MAX: variants seen among roughly 807,000 people sequenced by gnomAD.
MAX encodes MYC associated transcriptional regulator X.
A neutral mutation model predicts 22.3 loss-of-function variants in MAX; 3 were observed. The ratio of observed to expected loss-of-function variants is 0.13; its 90% confidence interval spans 0.06 to 0.35. The LOEUF is 0.35. Ranked by LOEUF, MAX falls within the 10% of genes least tolerant of loss-of-function variation. The probability of loss-of-function intolerance (pLI) is 1.00; values close to 1 mark genes in which losing one functional copy is unlikely to be tolerated. For missense variants in MAX, 119 were observed against 209.4 expected, an observed-to-expected ratio of 0.57 and a Z score of 2.66; for synonymous variants, 72 against 77.7, an observed-to-expected ratio of 0.93 and a Z score of 0.39.
intron 3 of MAX, among the ~76,000 whole-genome samples, chr14:65,056,976 C>T (rs933710163): frequency 2.0e-5 from 3 of 152,216 alleles, no homozygotes; most frequent in African/African-American, 7.2e-5. Flanking sequence ...CCCATGCAAA[C>T]AGAGGAGAGC....
Position 65,069,179 on chromosome 14 carries a change from G to A in MAX, c.171+24529C>T, listed in dbSNP as rs1376736818. On this transcript the variant is annotated intron_variant, in intron 3 of 3. Coordinates refer to the MAX transcript ENST00000341653. This position sits in a 1 kb window ranked among gnomAD's most constrained non-coding sequence, Gnocchi z 4.6. ...GGATACCAAGGGACCAGTGAAAGTG[G>A]TGGAATAGAATCGTGACCCAACCTG... Among the ~76,000 whole-genome samples, 1 of 152,236 alleles carries A rather than the reference G, an allele frequency of 6.6e-6. No individual in the cohort carries two copies. The highest frequency in any genetic ancestry group is 1.5e-5 in the Non-Finnish European group (1 of 68,040).
downstream of MAX, chr14:65,006,101 CT>C (rs1253791044): frequency 6.3e-7 from 1 of 1,579,120 alleles, no homozygotes; most frequent in African/African-American, 1.4e-5. Flanking sequence ...TCTCTAGGTA[CT>C]TCTGCTTACT....
chr14:65,034,864 T>C (rs1412127536), intron 3 of MAX, among the ~76,000 whole-genome samples: 1 of 152,198 alleles, frequency 6.6e-6, no homozygotes, highest in Non-Finnish European at 1.5e-5. Flanking sequence ...CATTGTGATA[T>C]GATGGTGGAG....
At chr14:65,090,596 C>T (rs1324954365) in intron 3 of MAX, 1 of 151,474 alleles carries the variant, frequency 6.6e-6, no homozygotes, top group Non-Finnish European at 1.5e-5. Context: ...CCTGGACCTC[C>T]CAGACTCAAG....
downstream of MAX, among the ~76,000 whole-genome samples, chr14:65,070,967 C>T (rs2062982073): frequency 6.6e-6 from 1 of 152,218 alleles, no homozygotes; most frequent in South Asian, 2.1e-4. The surrounding 1 kb of genome is among the most constrained non-coding windows in gnomAD (Gnocchi z 4.4). Flanking sequence ...TATTTCATTC[C>T]TCAACTCCTT....
downstream of MAX, among the ~76,000 whole-genome samples, chr14:65,074,377 A>G (rs1262242593): frequency 2.0e-5 from 3 of 152,138 alleles, no homozygotes; most frequent in Non-Finnish European, 4.4e-5. Flanking sequence ...ATCATGTTTC[A>G]AATTGACAAG....
At chr14:65,051,896 G>A (rs913383830) in intron 3 of MAX, among the ~76,000 whole-genome samples, 5 of 150,906 alleles carry the variant, frequency 3.3e-5, no homozygotes, top group East Asian at 2.0e-4. Flanking sequence ...CTGGGTTCAC[G>A]CCATTCTCCT....
intron 3 of MAX, among the ~76,000 whole-genome samples, chr14:65,024,341 AC>A (rs941430237): frequency 4.6e-5 from 7 of 151,878 alleles, no homozygotes; most frequent in African/African-American, 1.5e-4. Flanking sequence ...TTTTTAAAAC[AC>A]CCCCCAAGTA....
chr14:65,013,237 A>C (rs902248883), intron 3 of MAX, among the ~76,000 whole-genome samples: 7 of 152,214 alleles, frequency 4.6e-5, no homozygotes, highest in African/African-American at 1.7e-4. Context: ...ACTGAGGCTA[A>C]CTGGAGACCC....
At position 65,039,941 on chromosome 14, in the gene MAX, C is replaced by T. The variant is rs545332786; in HGVS notation, c.172-33657G>A. On this transcript the variant is annotated intron_variant, in intron 3 of 3. Transcript: ENST00000341653. ...CGGTGGCCCATGCCTGTCATCCCAA[C>T]GCTTTGGGATGCTGGGGTGGGAGGA... Among the ~76,000 whole-genome samples, 12 of 152,280 alleles carry T rather than the reference C, an allele frequency of 7.9e-5. No individual in the cohort carries two copies. The East Asian group carries it at 1.5e-3, about 20-fold the overall frequency.
Position 65,027,912 on chromosome 14 carries a change from TCAGTGACAC to T in MAX, c.172-21637_172-21629del. On this transcript the variant is annotated intron_variant, in intron 3 of 3. Transcript: ENST00000341653. This position sits in a 1 kb window ranked among gnomAD's most constrained non-coding sequence, Gnocchi z 5.7. Reference sequence around the variant, plus strand: ...CCAGAATGACACATGGGATGACATGTCAGTGACACGTCAGAATCATTCAGATGTGATGCA... The same window carrying T: ...CCAGAATGACACATGGGATGACATGTGTCAGAATCATTCAGATGTGATGCA... The T allele has an allele frequency of 2.6e-6, 3 of 1,160,872 alleles. No homozygotes were observed. The highest frequency in any genetic ancestry group is 3.7e-6 in the Non-Finnish European group (3 of 808,502). The allele number at this position is 1,160,872 out of a possible 1,614,324, so 71.9% of individuals were successfully genotyped here. A position where few individuals can be genotyped will look rare whatever the true frequency, so the allele number is the denominator to read the frequency against.
rs1256436624 is a variant in MAX, at chr14:65,076,255, C to T, written c.*221G>A. 59 of 1,431,780 alleles carry T rather than the reference C, an allele frequency of 4.1e-5. No homozygotes were observed. Among genetic ancestry groups the T allele is most frequent in the Non-Finnish European group, 5.3e-5 (58 of 1,099,126 alleles). 88.7% of individuals were successfully genotyped at this position (1,431,780 alleles called of 1,614,324 possible). A position where few individuals can be genotyped will look rare whatever the true frequency, so the allele number is the denominator to read the frequency against. On this transcript the variant is annotated 3_prime_UTR_variant, in exon 5 of 5. Coordinates refer to ENST00000358664, the MANE Select transcript of MAX (RefSeq NM_002382.5). This position sits in a 1 kb window ranked among gnomAD's most constrained non-coding sequence, Gnocchi z 6.6. ...AAAATTCCTGTTGGGGACAGGGAAT[C>T]CCTGAAGGGAATACATTAAAAAATA...
chr14:65,068,206 A>G (rs1408707462), intron 3 of MAX, among the ~76,000 whole-genome samples: 2 of 152,090 alleles, frequency 1.3e-5, no homozygotes, highest in South Asian at 2.1e-4. Context: ...AGGCTGAGGC[A>G]GGTGGATCAC....
Position 65,080,123 on chromosome 14 carries a change from G to A in MAX, c.172-2087C>T, listed in dbSNP as rs148581486. Among the ~76,000 whole-genome samples, 106 of 152,310 alleles carry A rather than the reference G, an allele frequency of 7.0e-4. 1 individual carries two copies. The highest frequency in any genetic ancestry group is 2.5e-3 in the African/African-American group (104 of 41,558). ...ACGGGAAAGATGGCTTCTGGCTGGGGTGATTACCTACTGTGTGCTACGCAT... is the reference window on the plus strand; with the variant it reads ...ACGGGAAAGATGGCTTCTGGCTGGGATGATTACCTACTGTGTGCTACGCAT... On this transcript the variant is annotated intron_variant, in intron 3 of 4. Coordinates refer to ENST00000358664, the MANE Select transcript of MAX (RefSeq NM_002382.5).
At chr14:65,017,975 T>C (rs2061812445) in intron 3 of MAX, among the ~76,000 whole-genome samples, 1 of 151,850 alleles carries the variant, frequency 6.6e-6, no homozygotes, top group Non-Finnish European at 1.5e-5. Context: ...ATAAATAAAA[T>C]ACATAAATTT....
At chr14:65,048,138 C>T (rs1485928306) in intron 3 of MAX, among the ~76,000 whole-genome samples, 1 of 151,630 alleles carries the variant, frequency 6.6e-6, no homozygotes, top group Non-Finnish European at 1.5e-5. Flanking sequence ...TGTACCACCA[C>T]ACCCAGCCAA....
rs2062017873 is a variant in MAX, at chr14:65,028,173, A to G, written c.172-21889T>C. On this transcript the variant is annotated intron_variant, in intron 3 of 3. Coordinates refer to the MAX transcript ENST00000341653. This position sits in a 1 kb window ranked among gnomAD's most constrained non-coding sequence, Gnocchi z 4.4. Reference sequence around the variant, plus strand: ...AAATACCTTCTGAGTGAATTTGATGAAATCATGAGAATGTCTAATCCCTGA... The same window carrying G: ...AAATACCTTCTGAGTGAATTTGATGGAATCATGAGAATGTCTAATCCCTGA... 6.6e-6 allele frequency among the ~76,000 whole-genome samples: 1 copy of G among 152,206 alleles called. No individual in the cohort carries two copies. Among genetic ancestry groups the G allele is most frequent in the African/African-American group, 2.4e-5 (1 of 41,450 alleles).
chr14:65,032,454 CA>C lies in MAX; in HGVS notation c.172-26171del. ...TATCCAAATAGAATGTCACACCTCT[CA>C]GTTGGAGACCCAGGAGGACTGACCG... is the stretch of plus-strand genomic sequence containing the variant. On this transcript the variant is annotated intron_variant, in intron 3 of 3. Coordinates refer to the MAX transcript ENST00000341653. This position sits in a 1 kb window ranked among gnomAD's most constrained non-coding sequence, Gnocchi z 5.0. 1 of 613,282 alleles carries C rather than the reference CA, an allele frequency of 1.6e-6. No homozygotes were observed. Among genetic ancestry groups the C allele is most frequent in the Non-Finnish European group, 2.7e-6 (1 of 377,042 alleles). 38.0% of individuals were successfully genotyped at this position (613,282 alleles called of 1,614,324 possible). A position where few individuals can be genotyped will look rare whatever the true frequency, so the allele number is the denominator to read the frequency against.
rs1233168396 is a variant in MAX, at chr14:65,028,270, A to G, written c.172-21986T>C. On this transcript the variant is annotated intron_variant, in intron 3 of 3. Coordinates refer to the MAX transcript ENST00000341653. This position sits in a 1 kb window ranked among gnomAD's most constrained non-coding sequence, Gnocchi z 4.4. ...CTTGTGGGCCGGGAGAGTGCAGTGC[A>G]ATAAAATCGCATTAACTGATTGGTG... Among the ~76,000 whole-genome samples the G allele has an allele frequency of 6.6e-6, 1 of 152,160 alleles. No individual in the cohort carries two copies. Among genetic ancestry groups the G allele is most frequent in the Non-Finnish European group, 1.5e-5 (1 of 68,028 alleles).
Sources: gnomAD v4.1 joint callset for allele counts (sites outside exome capture counted in the v4.1 genomes callset) on GRCh38, gnomAD v4.1.1 for gene constraint, Gnocchi (gnomAD v3.1) non-coding constraint, MANE v1.5 for transcripts, NCBI Gene and HGNC (gene_info 2026-07-23, HGNC 2026-07-21) for gene names.